MAPDA: variants seen among roughly 807,000 people sequenced by gnomAD.
The protein encoded by MAPDA is N6-Methyl-AMP deaminase.
chr15:43,330,940 A>G, the MAPDA span: 6 of 154,664 alleles, frequency 3.9e-5, no homozygotes, highest in African/African-American at 1.2e-4. Flanking sequence ...GGTCGGCACC[A>G]CGGACCTTCA....
At chr15:43,353,098 C>G in the MAPDA span, 4 of 151,884 alleles carry the variant, frequency 2.6e-5, no homozygotes, top group Non-Finnish European at 4.4e-5. Flanking sequence ...TACTCACTTT[C>G]TGCTTGGTCT....
the MAPDA span, among the ~76,000 whole-genome samples, chr15:43,339,881 G>A: frequency 6.6e-6 from 1 of 152,144 alleles, no homozygotes; most frequent in Non-Finnish European, 1.5e-5. Flanking sequence ...GTTTATTTCT[G>A]TATGTGCATT....
the MAPDA span, chr15:43,351,756 T>C: frequency 1.3e-6 from 2 of 1,546,364 alleles, no homozygotes; most frequent in Admixed American, 2.0e-5. Context: ...GGCAGACTGA[T>C]GATAAGGGTG....
the MAPDA span, chr15:43,335,066 CTAAGAA>C: frequency 6.3e-7 from 1 of 1,590,092 alleles, no homozygotes; most frequent in East Asian, 2.2e-5. Context: ...ATTGCTCATA[CTAAGAA>C]TAAGAGTGGA....
the MAPDA span, among the ~76,000 whole-genome samples, chr15:43,348,675 A>G: frequency 6.6e-6 from 1 of 152,212 alleles, no homozygotes; most frequent in African/African-American, 2.4e-5. Flanking sequence ...GAAAAGGCAC[A>G]AAGTAGGTTC....
At chr15:43,340,092 G>C in the MAPDA span, among the ~76,000 whole-genome samples, 2 of 152,222 alleles carry the variant, frequency 1.3e-5, no homozygotes, top group Admixed American at 6.5e-5. Flanking sequence ...TTGCAGCCCT[G>C]CATAGTCTCC....
chr15:43,332,544 G>C, the MAPDA span, among the ~76,000 whole-genome samples: 1 of 152,138 alleles, frequency 6.6e-6, no homozygotes, highest in South Asian at 2.1e-4. Context: ...AGAGAATGGA[G>C]TAAAATTTCT....
the MAPDA span, among the ~76,000 whole-genome samples, chr15:43,334,502 C>T: frequency 6.6e-6 from 1 of 150,640 alleles, no homozygotes; most frequent in African/African-American, 2.4e-5. Flanking sequence ...GTGGCATGTA[C>T]CTGTAATCCC....
chr15:43,335,287 C>CAT, the MAPDA span: 1 of 1,095,778 alleles, frequency 9.1e-7, no homozygotes, highest in Non-Finnish European at 1.3e-6. Context: ...GAAATTCTGG[C>CAT]GCTTTGGGAG....
the MAPDA span, among the ~76,000 whole-genome samples, chr15:43,336,948 CCT>C: frequency 6.6e-6 from 1 of 152,000 alleles, no homozygotes; most frequent in African/African-American, 2.4e-5. Context: ...AAAATTTGGT[CCT>C]GTTTTTCATA....
the MAPDA span, among the ~76,000 whole-genome samples, chr15:43,336,461 T>C: frequency 6.6e-6 from 1 of 152,250 alleles, no homozygotes; most frequent in African/African-American, 2.4e-5. Flanking sequence ...TTTTATTTTC[T>C]ATCATTTGAT....
At chr15:43,346,638 C>T in the MAPDA span, among the ~76,000 whole-genome samples, 1 of 152,176 alleles carries the variant, frequency 6.6e-6, no homozygotes, top group African/African-American at 2.4e-5. Flanking sequence ...TTCTGCCCTT[C>T]TTTTTATCCA....
chr15:43,330,586 C>T, the MAPDA span: 1 of 1,379,928 alleles, frequency 7.2e-7, no homozygotes, highest in Non-Finnish European at 9.6e-7. Context: ...AAAAAAACCA[C>T]CCATGCTCCT....
the MAPDA span, among the ~76,000 whole-genome samples, chr15:43,341,269 T>G: frequency 1.3e-5 from 2 of 152,222 alleles, no homozygotes; most frequent in African/African-American, 4.8e-5. Context: ...CTTGCATTTT[T>G]GAACCATAGA....
At chr15:43,346,996 T>C in the MAPDA span, 1 of 1,605,384 alleles carries the variant, frequency 6.2e-7, no homozygotes, top group Non-Finnish European at 8.5e-7. Context: ...TGCATCCTTA[T>C]TTTAACTTTT....
At chr15:43,351,004 G>A in the MAPDA span, 1 of 1,551,474 alleles carries the variant, frequency 6.4e-7, no homozygotes, top group Non-Finnish European at 8.7e-7. Context: ...CACCATTTCG[G>A]ATTCTGGTAC....
At chr15:43,345,954 G>A in the MAPDA span, 3 of 1,614,136 alleles carry the variant, frequency 1.9e-6, no homozygotes, top group Non-Finnish European at 1.7e-6. Context: ...TACAGTTCTT[G>A]GCCTTGACCT....
At chr15:43,346,959 A>G in the MAPDA span, 1 of 1,321,212 alleles carries the variant, frequency 7.6e-7, no homozygotes. Context: ...TGGAGTACTC[A>G]GTTCCTCAGT....
the MAPDA span, among the ~76,000 whole-genome samples, chr15:43,337,020 G>C: frequency 6.6e-6 from 1 of 151,986 alleles, no homozygotes; most frequent in African/African-American, 2.4e-5. Context: ...TGTAATCCCA[G>C]CACTCTGGGA....
Sources: gnomAD v4.1 joint callset for allele counts (sites outside exome capture counted in the v4.1 genomes callset) on GRCh38, gnomAD v4.1.1 for gene constraint, MANE v1.5 for transcripts, NCBI Gene and HGNC (gene_info 2026-07-23, HGNC 2026-07-21) for gene names.